The following CCDC178 variants were observed in gnomAD, a reference collection of about 807,000 sequenced individuals.
The protein encoded by CCDC178 is coiled-coil domain-containing protein 178.
Under a neutral mutation model 117.4 loss-of-function variants are expected in CCDC178, and 126 were observed. That is an observed-to-expected ratio of 1.07 (90% CI 0.93 to 1.24). CCDC178 has a LOEUF of 1.24. Ranked by LOEUF, CCDC178 falls within the 50% of genes most tolerant of loss-of-function variation. CCDC178 has a pLI of 0.00. For synonymous variants in CCDC178, 283 were observed against 313.4 expected (o/e 0.90, Z 1.02); for missense variants, 1,030 against 986.9 (o/e 1.04, Z -0.59).
intron 14 of CCDC178, among the ~76,000 whole-genome samples, chr18:33,246,053 C>T (rs911432686): frequency 6.6e-6 from 1 of 151,868 alleles, no homozygotes; most frequent in African/African-American, 2.4e-5. Flanking sequence ...GTTCTCAACA[C>T]TAACTCCACA....
intron 9 of CCDC178, among the ~76,000 whole-genome samples, chr18:33,337,854 G>A (rs1027725254): frequency 5.9e-5 from 9 of 152,264 alleles, no homozygotes; most frequent in African/African-American, 2.2e-4. Flanking sequence ...CTTAGGCAAA[G>A]ACTTCATGAC....
At chr18:33,193,020 G>A (rs1459189491) in intron 20 of CCDC178, among the ~76,000 whole-genome samples, 5 of 151,644 alleles carry the variant, frequency 3.3e-5, no homozygotes, top group African/African-American at 4.8e-5. Flanking sequence ...AGCACTTTGG[G>A]AGGCCGAGGC....
At chr18:33,022,010 T>C (rs370693558) in intron 21 of CCDC178, among the ~76,000 whole-genome samples, 8 of 152,154 alleles carry the variant, frequency 5.3e-5, no homozygotes, top group Admixed American at 4.6e-4. Flanking sequence ...AATTGCAACA[T>C]AGAAAATTCA....
chr18:32,979,408 C>T (rs1170947944), intron 21 of CCDC178, among the ~76,000 whole-genome samples: 1 of 152,140 alleles, frequency 6.6e-6, no homozygotes, highest in Non-Finnish European at 1.5e-5. Flanking sequence ...ATCTGCCCTC[C>T]TCAGCCTCCC....
intron 6 of CCDC178, among the ~76,000 whole-genome samples, chr18:33,369,686 C>T (rs2063269240): frequency 6.6e-6 from 1 of 151,918 alleles, no homozygotes; most frequent in Non-Finnish European, 1.5e-5. Context: ...AAAAAGGGCA[C>T]ACTGTCCTTT....
intron 20 of CCDC178, among the ~76,000 whole-genome samples, chr18:33,138,860 A>T (rs1043650296): frequency 6.6e-6 from 1 of 152,196 alleles, no homozygotes; most frequent in East Asian, 1.9e-4. Context: ...GAAGTGGTAC[A>T]GTCCCCTAAT....
At chr18:33,287,801 A>C (rs1473571360) in intron 12 of CCDC178, among the ~76,000 whole-genome samples, 3 of 152,084 alleles carry the variant, frequency 2.0e-5, no homozygotes, top group South Asian at 2.1e-4. Flanking sequence ...TGAATAAATA[A>C]ATAAATAAAT....
chr18:33,427,778 C>G (rs1366448404), intron 2 of CCDC178, among the ~76,000 whole-genome samples: 1 of 152,128 alleles, frequency 6.6e-6, no homozygotes, highest in South Asian at 2.1e-4. Flanking sequence ...AAGAGATGAG[C>G]CTTTCACCTT....
chr18:33,397,108 GA>G, intron 4 of CCDC178, 40 bp downstream of exon 4: 3 of 1,302,890 alleles, frequency 2.3e-6, no homozygotes, highest in Admixed American at 2.2e-5. Flanking sequence ...ATATGTGACA[GA>G]AAAAAGAGAT....
rs528068181 is a variant in CCDC178, at chr18:33,074,236, C to T, written c.2388+18525G>A. Among the ~76,000 whole-genome samples the T allele has an allele frequency of 3.1e-4, 47 of 151,870 alleles. No homozygotes were observed. In the East Asian group the frequency reaches 8.9e-3, roughly 29 times the overall value. ...CTTAAAATGTGCATATATATTAAAG[C>T]ATGCACATCATAAGTGTATAGCACA... On this transcript the variant is annotated intron_variant, in intron 21 of 22. Coordinates refer to ENST00000383096, the MANE Select transcript of CCDC178 (RefSeq NM_001105528.4).
intron 18 of CCDC178, among the ~76,000 whole-genome samples, 165 bp downstream of exon 18, chr18:33,222,941 A>C (rs1478331998): frequency 2.0e-5 from 3 of 152,114 alleles, no homozygotes; most frequent in Non-Finnish European, 4.4e-5. Flanking sequence ...AAATGAAAAC[A>C]CAAGGACTGT....
intron 15 of CCDC178, among the ~76,000 whole-genome samples, chr18:33,243,695 C>A (rs148725163): frequency 1.8e-4 from 27 of 151,890 alleles, no homozygotes; most frequent in South Asian, 1.5e-3. Flanking sequence ...ACATCTCTTT[C>A]ATAAGTGAGT....
chr18:33,164,554 A>G (rs914455516), intron 20 of CCDC178, among the ~76,000 whole-genome samples: 8 of 152,156 alleles, frequency 5.3e-5, no homozygotes, highest in African/African-American at 1.9e-4. Context: ...ATAAATAGCA[A>G]TAATAAATAA....
At chr18:33,061,615 T>C (rs533830446) in intron 21 of CCDC178, among the ~76,000 whole-genome samples, 5 of 152,216 alleles carry the variant, frequency 3.3e-5, no homozygotes, top group African/African-American at 1.2e-4. Context: ...GCATGGATTA[T>C]ATGGAGACAA....
rs533712186 is a variant in CCDC178 at position 33,044,520 on chromosome 18, C to CA, written c.2388+48240dup. Among the ~76,000 whole-genome samples the CA allele has an allele frequency of 1.2e-3, 174 of 150,330 alleles. 6 individuals carry two copies. The highest frequency in any genetic ancestry group is 4.9e-3 in the South Asian group (23 of 4,726). On this transcript the variant is annotated intron_variant, in intron 21 of 22. Transcript: ENST00000383096. ...GACTATTATTAAAAAAACAAACAAA[C>CA]AAAAAAAACAGATGTTGACGATGTG... is the stretch of plus-strand genomic sequence containing the variant.
At chr18:33,294,775 T>A (rs2062085818) in intron 11 of CCDC178, among the ~76,000 whole-genome samples, 1 of 152,190 alleles carries the variant, frequency 6.6e-6, no homozygotes, top group Admixed American at 6.5e-5. Context: ...TCTCTCAGTG[T>A]TATCTATTGC....
In CCDC178 at chr18:33,128,604, A is replaced by G. The variant is rs184970480; in HGVS notation, c.2239-35694T>C. 7.2e-3 allele frequency among the ~76,000 whole-genome samples: 1,090 copies of G among 152,268 alleles called. 8 individuals are homozygous for G. Among genetic ancestry groups the G allele is most frequent in the Non-Finnish European group, 0.012 (821 of 68,028 alleles). On this transcript the variant is annotated intron_variant, in intron 20 of 22. Transcript: ENST00000383096. ...GCAGCTTATTTAGAATCCTTGGCAC[A>G]TTAATTTAAAATTGCCTTTTTATTT... is the stretch of plus-strand genomic sequence containing the variant.
intron 21 of CCDC178, among the ~76,000 whole-genome samples, chr18:32,993,212 T>C (rs552719922): frequency 1.2e-4 from 18 of 152,012 alleles, no homozygotes; most frequent in Non-Finnish European, 2.2e-4. Context: ...TAGGAAGCAG[T>C]ACTTGACTCT....
At chr18:33,414,123 T>C (rs1336586999) in intron 2 of CCDC178, among the ~76,000 whole-genome samples, 1 of 152,140 alleles carries the variant, frequency 6.6e-6, no homozygotes, top group Admixed American at 6.5e-5. Context: ...TTGCTTAACA[T>C]CTTTATAAAT....
Sources: allele counts gnomAD v4.1 joint callset (sites outside exome capture counted in the v4.1 genomes callset), GRCh38; gene constraint gnomAD v4.1.1; transcripts MANE v1.5; gene names NCBI Gene and HGNC (gene_info 2026-07-23, HGNC 2026-07-21).